The following CBLB variants were observed in gnomAD, a reference collection of about 807,000 sequenced individuals.
CBLB encodes the protein E3 ubiquitin-protein ligase CBL-B.
CBLB carries 31 observed loss-of-function variants against 104.9 expected under a neutral mutation model. The ratio of observed to expected loss-of-function variants is 0.30; its 90% confidence interval spans 0.22 to 0.40. CBLB has a LOEUF of 0.40. Ranked by LOEUF, CBLB falls within the 10% of genes least tolerant of loss-of-function variation. The pLI is 1.00. For missense variants in CBLB, 1,062 were observed against 1,214.6 expected, an observed-to-expected ratio of 0.87 and a Z score of 1.87; for synonymous variants, 440 against 422.6, an observed-to-expected ratio of 1.04 and a Z score of -0.51.
intron 4 of CBLB, among the ~76,000 whole-genome samples, chr3:105,764,563 G>A (rs907814488): frequency 1.3e-5 from 2 of 151,976 alleles, no homozygotes; most frequent in African/African-American, 4.8e-5. Context: ...CCCTCTCCTG[G>A]GGACTTTCTA....
chr3:105,799,453 T>C (rs931381104), intron 3 of CBLB, among the ~76,000 whole-genome samples: 5 of 152,166 alleles, frequency 3.3e-5, no homozygotes, highest in Non-Finnish European at 7.4e-5. Context: ...GAAGTGTGTT[T>C]CAGTGCCTTT....
intron 3 of CBLB, among the ~76,000 whole-genome samples, chr3:105,785,692 A>G (rs13433776): frequency 6.6e-6 from 1 of 152,048 alleles, no homozygotes; most frequent in South Asian, 2.1e-4. Flanking sequence ...AAATGAACCA[A>G]AGGAGGAAAA....
At chr3:105,747,174 AT>A (rs1035297499) in intron 5 of CBLB, among the ~76,000 whole-genome samples, 2 of 152,186 alleles carry the variant, frequency 1.3e-5, no homozygotes, top group African/African-American at 2.4e-5. Flanking sequence ...CATCTCTGCG[AT>A]TTTTTTAAGG....
chr3:105,845,618 G>T (rs1456191428), intron 3 of CBLB, among the ~76,000 whole-genome samples: 4 of 151,622 alleles, frequency 2.6e-5, no homozygotes, highest in Non-Finnish European at 5.9e-5. Context: ...TATCTAGCTA[G>T]CTAAGCAGCA....
At chr3:105,804,275 C>T (rs1331654737) in intron 3 of CBLB, among the ~76,000 whole-genome samples, 1 of 150,606 alleles carries the variant, frequency 6.6e-6, no homozygotes, top group Non-Finnish European at 1.5e-5. Flanking sequence ...GGTCCCAGCA[C>T]TTTGGGAGGC....
At chr3:105,774,352 G>C (rs1312398586) in intron 4 of CBLB, among the ~76,000 whole-genome samples, 1 of 151,968 alleles carries the variant, frequency 6.6e-6, no homozygotes, top group Non-Finnish European at 1.5e-5. Flanking sequence ...AAAATATTAT[G>C]GAACCACAAG....
At chr3:105,831,990 A>G (rs1464593879) in intron 3 of CBLB, among the ~76,000 whole-genome samples, 1 of 152,216 alleles carries the variant, frequency 6.6e-6, no homozygotes, top group Non-Finnish European at 1.5e-5. Flanking sequence ...CCAAAATGCT[A>G]GTCAAAGTAG....
rs2079470835 is a variant in CBLB, at chr3:105,776,417, C to T, written c.545G>A (p.Trp182Ter). 6.2e-7 allele frequency: 1 copy of T among 1,613,628 alleles called. No homozygotes were observed. The highest frequency in any genetic ancestry group is 8.5e-7 in the Non-Finnish European group (1 of 1,179,848). ...TTACTTGTCTCCAAAAAACTTTCTCCAGAATTCAGCAGCATCTGCTTTTGT... is the reference window on the plus strand; with the variant it reads ...TTACTTGTCTCCAAAAAACTTTCTCTAGAATTCAGCAGCATCTGCTTTTGT... ...RITKADAAEFWRKFFGDKTIV... is the reference protein window; with the variant it reads ...RITKADAAEF The change falls in exon 4 of 19, where the codon TGG becomes TAG. Residue 182 changes from tryptophan (W) to a stop codon, truncating the protein, a stop_gained. Transcript: ENST00000394030. LOFTEE classifies it high-confidence loss of function.
At chr3:105,702,490 A>AAAAC in intron 11 of CBLB, 31 bp from the exon 12 acceptor site, 1 of 1,477,710 alleles carries the variant, frequency 6.8e-7, no homozygotes, top group South Asian at 1.3e-5. Context: ...AAAAAAAAAA[A>AAAAC]AAAAAAAAAC....
intron 3 of CBLB, among the ~76,000 whole-genome samples, chr3:105,848,654 T>C (rs548304758): frequency 2.6e-5 from 4 of 152,208 alleles, no homozygotes; most frequent in South Asian, 2.1e-4. Context: ...TTGATTCATG[T>C]ACTCATCCAG....
At chr3:105,781,245 T>C (rs956680628) in intron 3 of CBLB, among the ~76,000 whole-genome samples, 3 of 152,196 alleles carry the variant, frequency 2.0e-5, no homozygotes, top group Non-Finnish European at 4.4e-5. Context: ...TTTCTCCAAA[T>C]GTCAAGTTAC....
At chr3:105,854,277 C>T (rs1207596107) in intron 2 of CBLB, among the ~76,000 whole-genome samples, 1 of 152,224 alleles carries the variant, frequency 6.6e-6, no homozygotes, top group Non-Finnish European at 1.5e-5. Context: ...ATCACAGGTG[C>T]TGCCCAACCA....
intron 13 of CBLB, among the ~76,000 whole-genome samples, chr3:105,693,064 A>G (rs2067915704): frequency 6.6e-6 from 1 of 151,870 alleles, no homozygotes; most frequent in South Asian, 2.1e-4. Flanking sequence ...AAAACTCCAA[A>G]AGAATAATCA....
chr3:105,728,811 G>A (rs1356826464), intron 9 of CBLB, among the ~76,000 whole-genome samples: 1 of 152,102 alleles, frequency 6.6e-6, no homozygotes, highest in Non-Finnish European at 1.5e-5. Context: ...AAAAGCATCT[G>A]ACACCTCTTC....
At chr3:105,749,041 T>C (rs1376711659) in intron 5 of CBLB, among the ~76,000 whole-genome samples, 1 of 152,198 alleles carries the variant, frequency 6.6e-6, no homozygotes, top group Non-Finnish European at 1.5e-5. Flanking sequence ...AATATATAAA[T>C]GTAAGGATTT....
intron 13 of CBLB, among the ~76,000 whole-genome samples, chr3:105,688,202 C>T (rs2067238193): frequency 6.6e-6 from 1 of 151,960 alleles, no homozygotes; most frequent in Admixed American, 6.6e-5. Flanking sequence ...CACATTAAAG[C>T]CTACCATTAC....
chr3:105,796,977 A>G (rs1191948407), intron 3 of CBLB, among the ~76,000 whole-genome samples: 1 of 152,208 alleles, frequency 6.6e-6, no homozygotes, highest in African/African-American at 2.4e-5. Context: ...GAACACTTAT[A>G]CACTGCTGGT....
intron 4 of CBLB, among the ~76,000 whole-genome samples, chr3:105,773,672 C>A (rs1031959130): frequency 6.6e-6 from 1 of 152,088 alleles, no homozygotes; most frequent in Non-Finnish European, 1.5e-5. Context: ...GTTATTATTC[C>A]AGAGTGTGAA....
At chr3:105,706,361 C>T (rs1486087711) in intron 10 of CBLB, among the ~76,000 whole-genome samples, 1 of 151,850 alleles carries the variant, frequency 6.6e-6, no homozygotes, top group Non-Finnish European at 1.5e-5. Flanking sequence ...TCTTTTAGCT[C>T]GGTTATGGTA....
Sources: gnomAD v4.1 joint callset for allele counts (sites outside exome capture counted in the v4.1 genomes callset) on GRCh38, gnomAD v4.1.1 for gene constraint, MANE v1.5 for transcripts, NCBI Gene and HGNC (gene_info 2026-07-23, HGNC 2026-07-21) for gene names.